BBOX1: variants seen among roughly 807,000 people sequenced by gnomAD.
BBOX1 encodes gamma-butyrobetaine hydroxylase 1.
A neutral mutation model predicts 41.6 loss-of-function variants in BBOX1; 35 were observed. That is an observed-to-expected ratio of 0.84 (90% confidence interval 0.64 to 1.11). The LOEUF (loss-of-function observed/expected upper bound fraction) is 1.11, where lower values mean the gene tolerates loss of function less well. Ranked by LOEUF, BBOX1 falls within the 50% of genes most tolerant of loss-of-function variation. The pLI, the probability that BBOX1 is intolerant of heterozygous loss-of-function variation, is 0.00. For synonymous variants in BBOX1, 163 were observed against 154.7 expected (o/e 1.05, Z -0.40); for missense variants, 458 against 460.6 (o/e 0.99, Z 0.05).
chr11:27,057,913 G>T (rs903544847), intron 4 of BBOX1, among the ~76,000 whole-genome samples: 2 of 151,966 alleles, frequency 1.3e-5, no homozygotes, highest in African/African-American at 4.8e-5. Context: ...CTGCAAGGGT[G>T]GATTCAGTGG....
At chr11:27,047,199 TCGCCTCTCTTGGAA>T (rs1851510678) in intron 2 of BBOX1, 1 of 152,134 alleles carries the variant, frequency 6.6e-6, no homozygotes, top group Non-Finnish European at 1.5e-5. Flanking sequence ...TATCCTGACA[TCGCCTCTCTTGGAA>T]CACCTTCCTC....
intron 6 of BBOX1, among the ~76,000 whole-genome samples, chr11:27,119,217 G>A (rs7926376): frequency 0.014 from 2,091 of 151,780 alleles, 50 homozygotes; most frequent in African/African-American, 0.044. Flanking sequence ...TTGCTTTCTC[G>A]TTCTATTCTG....
At chr11:27,094,296 T>C (rs1805392844) in intron 5 of BBOX1, among the ~76,000 whole-genome samples, 1 of 151,956 alleles carries the variant, frequency 6.6e-6, no homozygotes, top group African/African-American at 2.4e-5. Context: ...GAGTCCCTTA[T>C]GTGGGATTAA....
Position 27,125,531 on chromosome 11 carries a change from T to A in BBOX1, c.837-123T>A, listed in dbSNP as rs536657432. On this transcript the variant is annotated intron_variant, in intron 7 of 8. Transcript: ENST00000263182. The stretch of plus-strand genomic sequence containing the variant: ...CACCACAGGTAGCCTTAATATCTTC[T>A]GTACATGTATTTGGATTTTTTAATA... 88 of 795,098 alleles carry A rather than the reference T, an allele frequency of 1.1e-4. No homozygotes were observed. The Middle Eastern group carries it at 2.4e-3, about 21-fold the overall frequency. The allele number at this position is 795,098 out of a possible 1,614,324, so 49.3% of individuals were successfully genotyped here.
chr11:27,052,203 T>C (rs1268366739), intron 2 of BBOX1, among the ~76,000 whole-genome samples: 1 of 152,044 alleles, frequency 6.6e-6, no homozygotes, highest in African/African-American at 2.4e-5. Flanking sequence ...ATAATAAAAC[T>C]TTTTGTGAGA....
At chr11:27,070,706 A>ATTTTTTTTTTTTTTTTTTTTTTTTT (rs58041903) in intron 4 of BBOX1, among the ~76,000 whole-genome samples, 1 of 133,726 alleles carries the variant, frequency 7.5e-6, no homozygotes, top group Non-Finnish European at 1.6e-5. Context: ...TTTGTGATTG[A>ATTTTTTTTTTTTTTTTTTTTTTTTT]TTTTTTTTTT....
At position 27,093,673 on chromosome 11, in the gene BBOX1, G is replaced by GTT. The variant is rs11371497; in HGVS notation, c.533+313_533+314dup. On this transcript the variant is annotated intron_variant, in intron 5 of 8. Coordinates refer to ENST00000263182, the MANE Select transcript of BBOX1 (RefSeq NM_003986.3). ...TTAAACAGCAGAAAATTATTTATTTGTTTTTTTACAGTTCTGGAAACTGGA... is the reference window on the plus strand; with the variant it reads ...TTAAACAGCAGAAAATTATTTATTTGTTTTTTTTTACAGTTCTGGAAACTGGA... 6.1e-4 allele frequency among the ~76,000 whole-genome samples: 93 copies of GTT among 151,778 alleles called. 2 individuals carry two copies. Among genetic ancestry groups the GTT allele is most frequent in the African/African-American group, 2.2e-3 (92 of 41,372 alleles).
chr11:27,077,164 C>T (rs1466395760), intron 4 of BBOX1, among the ~76,000 whole-genome samples: 2 of 152,108 alleles, frequency 1.3e-5, no homozygotes, highest in Non-Finnish European at 2.9e-5. Flanking sequence ...CTGTGACTGC[C>T]ACCTGTGTTA....
intron 2 of BBOX1, among the ~76,000 whole-genome samples, chr11:27,041,704 G>T (rs1311114056): frequency 6.6e-6 from 1 of 152,134 alleles, no homozygotes; most frequent in Non-Finnish European, 1.5e-5. Context: ...GAATGCAGTG[G>T]ATCTGATTGC....
intron 7 of BBOX1, among the ~76,000 whole-genome samples, chr11:27,124,908 A>C (rs550421835): frequency 1.3e-5 from 2 of 152,330 alleles, no homozygotes; most frequent in African/African-American, 4.8e-5. Flanking sequence ...AGATCACAAC[A>C]TTAAGAGCTC....
At chr11:27,070,706 ATT>A (rs58041903) in intron 4 of BBOX1, among the ~76,000 whole-genome samples, 30,404 of 133,404 alleles carry the variant, frequency 0.23, 3,343 homozygotes, top group Middle Eastern at 0.32. Context: ...TTTGTGATTG[ATT>A]TTTTTTTTTT....
intron 2 of BBOX1, among the ~76,000 whole-genome samples, chr11:27,045,773 C>T (rs948657287): frequency 5.9e-5 from 9 of 152,068 alleles, no homozygotes; most frequent in African/African-American, 9.7e-5. Context: ...GAAATAACAG[C>T]CTTTTATTCT....
chr11:27,085,221 G>A (rs950831534), intron 4 of BBOX1, among the ~76,000 whole-genome samples: 2 of 152,088 alleles, frequency 1.3e-5, no homozygotes, highest in African/African-American at 4.8e-5. Context: ...TATTAGTACA[G>A]GCATACTTTG....
chr11:27,125,704 G>A lies in BBOX1; in HGVS notation c.887G>A (p.Arg296Lys). 1 of 1,608,874 alleles carries A rather than the reference G, an allele frequency of 6.2e-7. No individual in the cohort carries two copies. The highest frequency in any genetic ancestry group is 2.2e-5 in the East Asian group (1 of 44,596). The change falls in exon 8 of 9, where the codon AGG (arginine) becomes AAG (lysine). Residue 296 changes from arginine (R) to lysine (K), a missense_variant. Physicochemically the swap from Arg to Lys is conservative, Grantham distance 26. Transcript: ENST00000263182. ...CGCATCAACTTCAATAACGCAACTAGGGACACAATATTTGATGTGCCTGTT... is the reference window on the plus strand; with the variant it reads ...CGCATCAACTTCAATAACGCAACTAAGGACACAATATTTGATGTGCCTGTT... ...VVRINFNNAT[R>K]DTIFDVPVER...
At chr11:27,056,848 A>G (rs975006369) in intron 3 of BBOX1, among the ~76,000 whole-genome samples, 3 of 151,208 alleles carry the variant, frequency 2.0e-5, no homozygotes, top group Non-Finnish European at 4.4e-5. Flanking sequence ...CGGGCGCATC[A>G]CAAGGTCAGG....
chr11:27,079,124 A>G (rs535599301), intron 4 of BBOX1, among the ~76,000 whole-genome samples: 1 of 152,340 alleles, frequency 6.6e-6, no homozygotes, highest in Non-Finnish European at 1.5e-5. Flanking sequence ...CATGAAGAAC[A>G]ATCATGTTCT....
chr11:27,045,386 T>G (rs1397126491), intron 2 of BBOX1, among the ~76,000 whole-genome samples: 1 of 152,188 alleles, frequency 6.6e-6, no homozygotes, highest in Non-Finnish European at 1.5e-5. Flanking sequence ...CAAAGACAAT[T>G]TGACTTCTTC....
chr11:27,067,931 T>C (rs1857339707), intron 4 of BBOX1, among the ~76,000 whole-genome samples: 1 of 152,090 alleles, frequency 6.6e-6, no homozygotes, highest in African/African-American at 2.4e-5. Flanking sequence ...TATGGTTGAG[T>C]AGTATTCCAT....
chr11:27,106,245 T>C (rs1289710764), intron 5 of BBOX1, among the ~76,000 whole-genome samples: 1 of 151,838 alleles, frequency 6.6e-6, no homozygotes, highest in East Asian at 1.9e-4. Flanking sequence ...ATAACAATAC[T>C]AACCTTAAAT....
Sources: gnomAD v4.1 joint callset for allele counts (sites outside exome capture counted in the v4.1 genomes callset) on GRCh38, gnomAD v4.1.1 for gene constraint, MANE v1.5 for transcripts, NCBI Gene and HGNC (gene_info 2026-07-23, HGNC 2026-07-21) for gene names.